PTPRD: variants seen among roughly 807,000 people sequenced by gnomAD.
The protein encoded by PTPRD is protein tyrosine phosphatase receptor type D.
In PTPRD, 34 loss-of-function variants were observed where a neutral mutation model predicts 214.5. The ratio of observed to expected loss-of-function variants is 0.16; its 90% CI spans 0.12 to 0.21. PTPRD has a LOEUF of 0.21. Among genes scored for constraint, PTPRD ranks in the 10% least tolerant of loss-of-function variants. PTPRD has a pLI of 1.00. For synonymous variants in PTPRD, 1,128 were observed against 845.7 expected, an observed-to-expected ratio of 1.33 and a Z score of -5.79; for missense variants, 2,545 against 2,398.7, an observed-to-expected ratio of 1.06 and a Z score of -1.27.
intron 6 of PTPRD, among the ~76,000 whole-genome samples, chr9:9,753,303 C>T (rs2098539590): frequency 6.6e-6 from 1 of 151,920 alleles, no homozygotes; most frequent in African/African-American, 2.4e-5. Flanking sequence ...CTCAATAACA[C>T]CAATACAGGG....
At chr9:9,592,751 G>C (rs2092864634) in intron 7 of PTPRD, among the ~76,000 whole-genome samples, 1 of 151,892 alleles carries the variant, frequency 6.6e-6, no homozygotes, top group South Asian at 2.1e-4. Context: ...AATAGCAACA[G>C]GATTATATGG....
At chr9:9,702,629 C>G (rs2097526942) in intron 7 of PTPRD, among the ~76,000 whole-genome samples, 1 of 152,088 alleles carries the variant, frequency 6.6e-6, no homozygotes, top group South Asian at 2.1e-4. Context: ...GAGGAGAAAA[C>G]AGAAAAGATA....
chr9:10,295,032 G>C (rs1488071749), intron 3 of PTPRD, among the ~76,000 whole-genome samples: 1 of 151,950 alleles, frequency 6.6e-6, no homozygotes, highest in Non-Finnish European at 1.5e-5. Flanking sequence ...ACGACATACT[G>C]ATAAAAGAGG....
intron 4 of PTPRD, among the ~76,000 whole-genome samples, chr9:9,951,217 A>G (rs1160112666): frequency 2.0e-5 from 3 of 152,034 alleles, no homozygotes; most frequent in African/African-American, 4.8e-5. Flanking sequence ...GCTTTGAGGG[A>G]AAAAAAAGTG....
chr9:9,296,125 T>C (rs1441378477), intron 9 of PTPRD, among the ~76,000 whole-genome samples: 1 of 151,686 alleles, frequency 6.6e-6, no homozygotes, highest in Non-Finnish European at 1.5e-5. Flanking sequence ...GTTAATGGGG[T>C]TTAGAGTTAT....
At chr9:10,188,855 T>C (rs561776558) in intron 3 of PTPRD, among the ~76,000 whole-genome samples, 1 of 152,284 alleles carries the variant, frequency 6.6e-6, no homozygotes, top group East Asian at 1.9e-4. Flanking sequence ...GAGGCAAAAC[T>C]AACAACCCCA....
chr9:10,261,024 ATATAT>A (rs1265688453), intron 3 of PTPRD, among the ~76,000 whole-genome samples: 1 of 114,904 alleles, frequency 8.7e-6, no homozygotes, highest in Non-Finnish European at 2.0e-5. Context: ...ATGTGTGTAT[ATATAT>A]TATATATGTG....
intron 8 of PTPRD, among the ~76,000 whole-genome samples, chr9:9,541,437 C>G (rs182497677): frequency 6.6e-6 from 1 of 151,678 alleles, no homozygotes; most frequent in Non-Finnish European, 1.5e-5. Flanking sequence ...AACTTCCAGC[C>G]CAACCCAGCT....
intron 5 of PTPRD, among the ~76,000 whole-genome samples, chr9:9,901,903 A>C (rs1297437557): frequency 6.6e-6 from 1 of 152,162 alleles, no homozygotes; most frequent in Non-Finnish European, 1.5e-5. Context: ...TCTTGCGAGA[A>C]CTCGCTCACC....
At chr9:8,581,120 A>C (rs2093033152) in intron 14 of PTPRD, among the ~76,000 whole-genome samples, 1 of 152,170 alleles carries the variant, frequency 6.6e-6, no homozygotes, top group African/African-American at 2.4e-5. Context: ...GGTGAGTTCT[A>C]CCTGGAAGCT....
chr9:8,717,829 C>A (rs1055671201), intron 12 of PTPRD, among the ~76,000 whole-genome samples: 2 of 152,202 alleles, frequency 1.3e-5, no homozygotes, highest in African/African-American at 2.4e-5. Flanking sequence ...TCCACAATTT[C>A]TCTGTCTCCG....
intron 2 of PTPRD, among the ~76,000 whole-genome samples, chr9:10,458,298 A>C (rs2098932832): frequency 6.6e-6 from 1 of 152,152 alleles, no homozygotes; most frequent in South Asian, 2.1e-4. Context: ...ATTACTCGAC[A>C]AAATATTAGC....
At chr9:8,763,716 A>T (rs1177159852) in intron 11 of PTPRD, among the ~76,000 whole-genome samples, 1 of 151,580 alleles carries the variant, frequency 6.6e-6, no homozygotes, top group Non-Finnish European at 1.5e-5. Context: ...GAATTTTGCT[A>T]TTTTTGAGAA....
At chr9:9,055,559 G>A (rs1332533619) in intron 10 of PTPRD, among the ~76,000 whole-genome samples, 1 of 152,068 alleles carries the variant, frequency 6.6e-6, no homozygotes, top group African/African-American at 2.4e-5. Flanking sequence ...CACAAGAGTA[G>A]ACACAGGAGA....
intron 7 of PTPRD, among the ~76,000 whole-genome samples, chr9:9,579,197 T>G (rs1356800312): frequency 6.6e-6 from 1 of 152,142 alleles, no homozygotes; most frequent in Non-Finnish European, 1.5e-5. Context: ...GAGTCTAATA[T>G]CATCTTAGTG....
At chr9:8,895,589 G>T (rs2098602561) in intron 11 of PTPRD, among the ~76,000 whole-genome samples, 1 of 152,144 alleles carries the variant, frequency 6.6e-6, no homozygotes, top group Non-Finnish European at 1.5e-5. Flanking sequence ...TTTGTAGCAT[G>T]CTTTCTCCTC....
At chr9:10,146,150 C>CATATATATATATATATAT (rs56191246) in intron 3 of PTPRD, among the ~76,000 whole-genome samples, 36 of 147,374 alleles carry the variant, frequency 2.4e-4, no homozygotes, top group African/African-American at 7.2e-4. Context: ...TGAAATCATC[C>CATATATATATATATATAT]ATATATATAT....
chr9:9,812,087 A>C (rs113760720), intron 5 of PTPRD, among the ~76,000 whole-genome samples: 4 of 152,102 alleles, frequency 2.6e-5, no homozygotes, highest in African/African-American at 7.2e-5. Context: ...AGGCTCATAT[A>C]ATTGTTAGCA....
intron 14 of PTPRD, among the ~76,000 whole-genome samples, chr9:8,607,958 A>C: frequency 6.6e-6 from 1 of 152,170 alleles, no homozygotes; most frequent in Non-Finnish European, 1.5e-5. Context: ...AACTCTATTC[A>C]AGTTAACATG....
Sources: allele counts gnomAD v4.1 joint callset (sites outside exome capture counted in the v4.1 genomes callset), GRCh38; gene constraint gnomAD v4.1.1; transcripts MANE v1.5; gene names NCBI Gene and HGNC (gene_info 2026-07-23, HGNC 2026-07-21).